Variants in CACNA1A observed in about 807,000 individuals in gnomAD.
CACNA1A encodes the protein calcium voltage-gated channel subunit alpha1 A.
In CACNA1A, 57 loss-of-function variants were observed where a neutral mutation model predicts 262.4. The ratio of observed to expected loss-of-function variants is 0.22; its 90% CI spans 0.18 to 0.27. The LOEUF (loss-of-function observed/expected upper bound fraction) is 0.27. CACNA1A is among the 10% of genes least tolerant of loss of function. CACNA1A has a pLI of 1.00. For missense variants in CACNA1A, 2,526 were observed against 3,562.8 expected (o/e 0.71, Z 7.41); for synonymous variants, 1,431 against 1,419.3 (o/e 1.01, Z -0.18).
Position 13,506,442 on chromosome 19 carries a change from G to A in CACNA1A, c.-218C>T, listed in dbSNP as rs1599397711. ...AGGCGGCTGCCCGGGCCGAGCCGGG[G>A]ATAGCAGCTCGGGACATCTTCCTGG... On this transcript the variant is annotated 5_prime_UTR_variant, in exon 1 of 47. Transcript: ENST00000360228. 3.3e-6 allele frequency: 1 copy of A among 302,316 alleles called. No individual in the cohort carries two copies. Among genetic ancestry groups the A allele is most frequent in the East Asian group, 5.2e-5 (1 of 19,082 alleles). 18.7% of individuals were successfully genotyped at this position (302,316 alleles called of 1,614,324 possible). A position where few individuals can be genotyped will look rare whatever the true frequency, so the allele number is the denominator to read the frequency against.
At chr19:13,240,359 TCTGTGTGCAGTGA>T (rs2056033581) in intron 31 of CACNA1A, among the ~76,000 whole-genome samples, 1 of 152,032 alleles carries the variant, frequency 6.6e-6, no homozygotes, top group Non-Finnish European at 1.5e-5. Context: ...GCATAGTGGC[TCTGTGTGCAGTGA>T]CTGTGTGTGC....
At chr19:13,370,521 T>G (rs1316902566) in intron 4 of CACNA1A, among the ~76,000 whole-genome samples, 3 of 151,860 alleles carry the variant, frequency 2.0e-5, no homozygotes, top group African/African-American at 7.3e-5. Flanking sequence ...CTTGACCTCC[T>G]GGGCTCAGAT....
intron 3 of CACNA1A, among the ~76,000 whole-genome samples, chr19:13,413,303 T>A (rs1304662510): frequency 2.0e-5 from 3 of 151,364 alleles, no homozygotes; most frequent in Non-Finnish European, 4.4e-5. Flanking sequence ...AGATGGGGTT[T>A]CACTGTGTTA....
rs751530649 is a variant in CACNA1A, at chr19:13,318,890, C to CTTTT, written c.1346-1573_1346-1570dup. Among the ~76,000 whole-genome samples the CTTTT allele has an allele frequency of 3.4e-3, 385 of 114,682 alleles. 34 individuals are homozygous for CTTTT. The highest frequency in any genetic ancestry group is 0.013 in the Middle Eastern group (3 of 224). 75.2% of individuals were successfully genotyped at this position (114,682 alleles called of 152,430 possible). ...ATTGAATTTACCTTCTAAAATACAT[C>CTTTT]TTTTTTTTTTTTTTTTGAGACAGGA... On this transcript the variant is annotated intron_variant, in intron 10 of 46. Coordinates refer to ENST00000360228, the MANE Select transcript of CACNA1A (RefSeq NM_001127222.2).
Position 13,283,250 on chromosome 19 carries a change from T to A in CACNA1A, c.3822+17A>T. The A allele has an allele frequency of 1.2e-6, 2 of 1,611,862 alleles. No individual in the cohort carries two copies. The highest frequency in any genetic ancestry group is 8.5e-7 in the Non-Finnish European group (1 of 1,178,236). On this transcript the variant is annotated intron_variant, in intron 22 of 46. Transcript: ENST00000360228. ...AGAGCAGCCAGGCTAGGAAGGGGTG[T>A]GCTCTGTGGGACTCACGTTGTTCCG...
chr19:13,268,893 CTTTTTTTT>C (rs3050832), intron 24 of CACNA1A, among the ~76,000 whole-genome samples: 20,595 of 107,948 alleles, frequency 0.19, 1,589 homozygotes, highest in Middle Eastern at 0.24. Context: ...ATAGATTCTA[CTTTTTTTT>C]TTTTTTTTTT....
At chr19:13,415,273 G>A (rs935473726) in intron 3 of CACNA1A, among the ~76,000 whole-genome samples, 3 of 151,904 alleles carry the variant, frequency 2.0e-5, no homozygotes, top group African/African-American at 7.3e-5. Flanking sequence ...GGAAACGTGC[G>A]GAAGGAAGGG....
intron 32 of CACNA1A, 49 bp from the exon 33 acceptor site, chr19:13,235,323 G>T (rs373831178): frequency 1.2e-4 from 184 of 1,484,826 alleles, no homozygotes; most frequent in Non-Finnish European, 1.6e-4. Context: ...TCCCTCAGCC[G>T]CACTGTCTTC....
chr19:13,436,559 CCACT>C (rs984318746), intron 3 of CACNA1A, among the ~76,000 whole-genome samples: 22 of 151,876 alleles, frequency 1.4e-4, no homozygotes, highest in Non-Finnish European at 2.5e-4. Flanking sequence ...ATTCATTCAT[CCACT>C]CACTCATTCA....
At chr19:13,413,042 G>A (rs902938600) in intron 3 of CACNA1A, among the ~76,000 whole-genome samples, 1 of 151,856 alleles carries the variant, frequency 6.6e-6, no homozygotes, top group South Asian at 2.1e-4. Context: ...CTTGAGCCTA[G>A]AAGCTTGAGA....
rs1404829906 is a variant in CACNA1A at position 13,214,832 on chromosome 19, G to C, written c.5732-224C>G. 3.6e-6 allele frequency: 2 copies of C among 555,038 alleles called. No homozygotes were observed. Among genetic ancestry groups the C allele is most frequent in the Non-Finnish European group, 6.4e-6 (2 of 311,302 alleles). 34.4% of individuals were successfully genotyped at this position (555,038 alleles called of 1,614,324 possible). On this transcript the variant is annotated intron_variant, in intron 38 of 46. Transcript: ENST00000360228. This position sits in a 1 kb window ranked among gnomAD's most constrained non-coding sequence, Gnocchi z 4.1. ...GTGGGGCCAGGACCATGGAGCAGCT[G>C]TGCAGGAGACAGCCCGGCATGGAGA...
chr19:13,231,090 A>G (rs1600129371), intron 35 of CACNA1A, among the ~76,000 whole-genome samples: 1 of 150,610 alleles, frequency 6.6e-6, no homozygotes, highest in South Asian at 2.1e-4. Flanking sequence ...TGCAGCCTCG[A>G]CCTCCAAGGC....
intron 38 of CACNA1A, among the ~76,000 whole-genome samples, chr19:13,221,728 TGCC>T (rs2055240456): frequency 6.6e-6 from 1 of 152,006 alleles, no homozygotes. Flanking sequence ...CTCTGGGCAG[TGCC>T]TGACACGGTT....
At chr19:13,485,203 T>C (rs991651386) in intron 1 of CACNA1A, among the ~76,000 whole-genome samples, 1 of 152,098 alleles carries the variant, frequency 6.6e-6, no homozygotes, top group Non-Finnish European at 1.5e-5. Flanking sequence ...AAAAAGGAAA[T>C]TGGACCCCTA....
chr19:13,240,303 T>C (rs1248444353), intron 31 of CACNA1A, among the ~76,000 whole-genome samples: 1 of 151,000 alleles, frequency 6.6e-6, no homozygotes, highest in African/African-American at 2.4e-5. Flanking sequence ...ACTGTGTGTG[T>C]ATAGCGACTG....
intron 12 of CACNA1A, among the ~76,000 whole-genome samples, chr19:13,312,248 G>A (rs2058049452): frequency 1.3e-5 from 2 of 152,218 alleles, no homozygotes; most frequent in African/African-American, 4.8e-5. Flanking sequence ...CATAATGCCA[G>A]GGTGTTGTAA....
At chr19:13,295,692 C>T (rs1212643389) in intron 19 of CACNA1A, among the ~76,000 whole-genome samples, 1 of 151,902 alleles carries the variant, frequency 6.6e-6, no homozygotes, top group Non-Finnish European at 1.5e-5. Flanking sequence ...TCGAGGTCTC[C>T]TTATGTCGCC....
At chr19:13,254,300 G>A (rs370263186) in intron 29 of CACNA1A, among the ~76,000 whole-genome samples, 7 of 151,756 alleles carry the variant, frequency 4.6e-5, no homozygotes, top group South Asian at 2.1e-4. Flanking sequence ...TTTGGAAGCC[G>A]CTCCTTAGCC....
chr19:13,359,789 C>T lies in CACNA1A; in HGVS notation c.795G>A (p.Gln265=). The stretch of plus-strand genomic sequence containing the variant: ...TCCCACATGGAGCCGGAGACTCACC[C>T]TGAATGTCATCTACAAAAGGGAAGG... ...TCFEEGTDDI[Q]GESPAPCGTE... is the part of the protein sequence containing the mutation. The change falls in exon 6 of 47, where the codon CAG becomes CAA. Residue 265 remains glutamine, a synonymous_variant. Transcript: ENST00000360228. 2 of 1,519,358 alleles carry T rather than the reference C, an allele frequency of 1.3e-6. No individual in the cohort carries two copies. The highest frequency in any genetic ancestry group is 1.8e-6 in the Non-Finnish European group (2 of 1,127,482). 94.1% of individuals were successfully genotyped at this position (1,519,358 alleles called of 1,614,324 possible). A position where few individuals can be genotyped will look rare whatever the true frequency, so the allele number is the denominator to read the frequency against.
Sources: allele counts gnomAD v4.1 joint callset (sites outside exome capture counted in the v4.1 genomes callset), GRCh38; gene constraint gnomAD v4.1.1; non-coding constraint Gnocchi (gnomAD v3.1); transcripts MANE v1.5; gene names NCBI Gene and HGNC (gene_info 2026-07-23, HGNC 2026-07-21).